CAB39L: variants seen among roughly 807,000 people sequenced by gnomAD.
The protein encoded by CAB39L is calcium binding protein 39 like.
In CAB39L, 23 loss-of-function variants were observed where a neutral mutation model predicts 39.1. That is an observed-to-expected ratio of 0.59 (90% CI 0.42 to 0.83). CAB39L has a LOEUF of 0.83. CAB39L is among the 40% of genes least tolerant of loss of function. The pLI, the probability that CAB39L is intolerant of heterozygous loss-of-function variation, is 0.00. For missense variants in CAB39L, 366 were observed against 391.9 expected (o/e 0.93, Z 0.56); for synonymous variants, 126 against 137.2 (o/e 0.92, Z 0.57).
At chr13:49,329,547 AT>A (rs60359612) in intron 10 of CAB39L, among the ~76,000 whole-genome samples, 203 of 32,908 alleles carry the variant, frequency 6.2e-3, no homozygotes, top group Non-Finnish European at 0.012. Context: ...AAAAAAAAAT[AT>A]ATATATATAT....
intron 3 of CAB39L, among the ~76,000 whole-genome samples, chr13:49,418,570 GTTTA>G (rs1013131861): frequency 1.4e-4 from 21 of 152,228 alleles, no homozygotes; most frequent in Admixed American, 1.1e-3. Context: ...AACACATTTT[GTTTA>G]TTTATTTTTT....
At chr13:49,426,586 C>T (rs1359458307) in intron 3 of CAB39L, among the ~76,000 whole-genome samples, 2 of 152,102 alleles carry the variant, frequency 1.3e-5, no homozygotes, top group Admixed American at 6.6e-5. Context: ...GCCACCACAC[C>T]CGGCTAATTT....
chr13:49,370,826 C>T (rs1173452616), intron 5 of CAB39L, among the ~76,000 whole-genome samples: 1 of 152,066 alleles, frequency 6.6e-6, no homozygotes, highest in Non-Finnish European at 1.5e-5. Flanking sequence ...TTTTAATCAC[C>T]CATAAATTAT....
intron 9 of CAB39L, 52 bp downstream of exon 9, chr13:49,339,625 C>T (rs1954946790): frequency 1.4e-6 from 2 of 1,467,636 alleles, no homozygotes; most frequent in East Asian, 2.5e-5. Flanking sequence ...CCGTCATTTG[C>T]TAATGAGATA....
chr13:49,321,511 G>A (rs1045182846), intron 10 of CAB39L, among the ~76,000 whole-genome samples: 2 of 152,218 alleles, frequency 1.3e-5, no homozygotes, highest in Admixed American at 6.5e-5. Context: ...GCTGAGAGAA[G>A]TTAAAGCAGC....
At chr13:49,329,229 GAGA>G (rs1490131968) in intron 10 of CAB39L, among the ~76,000 whole-genome samples, 3 of 152,080 alleles carry the variant, frequency 2.0e-5, no homozygotes, top group Admixed American at 1.3e-4. Context: ...ATATCTGGTA[GAGA>G]AGATTACTTC....
At chr13:49,349,443 T>G (rs1955275351) in intron 7 of CAB39L, among the ~76,000 whole-genome samples, 1 of 145,344 alleles carries the variant, frequency 6.9e-6, no homozygotes, top group Non-Finnish European at 1.5e-5. Flanking sequence ...TTTGAAGAAA[T>G]GAATCTGAAT....
Position 49,310,692 on chromosome 13 carries a change from C to T in CAB39L, c.*122G>A. The T allele has an allele frequency of 1.1e-6, 1 of 933,084 alleles. No individual in the cohort carries two copies. The highest frequency in any genetic ancestry group is 1.6e-6 in the Non-Finnish European group (1 of 617,860). 57.8% of individuals were successfully genotyped at this position (933,084 alleles called of 1,614,324 possible). ...ATGTTTATACTCCATCTACCCAGAA[C>T]AATTACAGCAGAAAAAATAGGCACC... On this transcript the variant is annotated 3_prime_UTR_variant, in exon 11 of 11. Coordinates refer to ENST00000409308, the MANE Select transcript of CAB39L (RefSeq NM_001079670.3).
chr13:49,326,541 G>A (rs1954505570), intron 10 of CAB39L, among the ~76,000 whole-genome samples: 1 of 152,126 alleles, frequency 6.6e-6, no homozygotes, highest in African/African-American at 2.4e-5. Context: ...CACATTCTTT[G>A]CACCCTACGG....
intron 3 of CAB39L, among the ~76,000 whole-genome samples, chr13:49,417,079 C>G (rs546314573): frequency 1.3e-5 from 2 of 152,314 alleles, no homozygotes; most frequent in African/African-American, 4.8e-5. Flanking sequence ...CTCACTGGCT[C>G]TTATCTGAAC....
intron 3 of CAB39L, among the ~76,000 whole-genome samples, chr13:49,390,033 G>A (rs186764861): frequency 8.5e-5 from 13 of 152,072 alleles, no homozygotes; most frequent in Admixed American, 8.5e-4. Flanking sequence ...TGTTACCCAG[G>A]CTGGCCTCGA....
chr13:49,410,086 C>T, intron 3 of CAB39L, among the ~76,000 whole-genome samples: 1 of 152,030 alleles, frequency 6.6e-6, no homozygotes, highest in East Asian at 1.9e-4. Flanking sequence ...CACCAACTGC[C>T]CAATTTAAGG....
intron 6 of CAB39L, among the ~76,000 whole-genome samples, chr13:49,359,239 A>C (rs1431567378): frequency 6.6e-6 from 1 of 152,174 alleles, no homozygotes; most frequent in Non-Finnish European, 1.5e-5. Context: ...CCTCGACTTC[A>C]GTTTTATGGC....
At chr13:49,404,283 TCTC>T (rs1956830182) in intron 3 of CAB39L, among the ~76,000 whole-genome samples, 1 of 152,138 alleles carries the variant, frequency 6.6e-6, no homozygotes, top group Admixed American at 6.5e-5. Flanking sequence ...CAAGGCAGTA[TCTC>T]CTCAAGTCTG....
chr13:49,350,283 C>T (rs1378559861), intron 7 of CAB39L, among the ~76,000 whole-genome samples: 1 of 152,160 alleles, frequency 6.6e-6, no homozygotes, highest in Non-Finnish European at 1.5e-5. Flanking sequence ...CATAAAATAA[C>T]ATGATGTCCT....
intron 9 of CAB39L, among the ~76,000 whole-genome samples, chr13:49,332,850 C>T (rs1484690973): frequency 6.6e-6 from 1 of 151,784 alleles, no homozygotes; most frequent in African/African-American, 2.4e-5. Context: ...AAAGCTTCAG[C>T]AGCCAGGGGG....
chr13:49,422,738 T>C (rs1957189045), intron 3 of CAB39L, among the ~76,000 whole-genome samples: 1 of 151,980 alleles, frequency 6.6e-6, no homozygotes, highest in African/African-American at 2.4e-5. Flanking sequence ...GCACCCGGCT[T>C]CCCTTACTTT....
At chr13:49,358,686 C>A (rs1234472481) in intron 6 of CAB39L, among the ~76,000 whole-genome samples, 3 of 151,956 alleles carry the variant, frequency 2.0e-5, no homozygotes, top group African/African-American at 7.3e-5. Context: ...ATAGTGAAAA[C>A]CTGTCTCTAC....
At chr13:49,378,605 C>G (rs1316301826) in intron 4 of CAB39L, among the ~76,000 whole-genome samples, 6 of 72,546 alleles carry the variant, frequency 8.3e-5, no homozygotes, top group Non-Finnish European at 1.7e-4. Context: ...CAGCCCTCCG[C>G]CCGGCCAGCC....
Sources: gnomAD v4.1 joint callset for allele counts (sites outside exome capture counted in the v4.1 genomes callset) on GRCh38, gnomAD v4.1.1 for gene constraint, MANE v1.5 for transcripts, NCBI Gene and HGNC (gene_info 2026-07-23, HGNC 2026-07-21) for gene names.